EXD2: variants seen among roughly 807,000 people sequenced by gnomAD.
EXD2 encodes the protein exonuclease 3'-5' domain-containing protein 2.
EXD2 carries 40 observed loss-of-function variants against 62.5 expected under a neutral mutation model. The ratio of observed to expected loss-of-function variants is 0.64; its 90% CI spans 0.50 to 0.83. EXD2 has a LOEUF of 0.83. Among genes scored for constraint, EXD2 ranks in the 40% least tolerant of loss-of-function variants. The pLI, the probability that EXD2 is intolerant of heterozygous loss-of-function variation, is 0.00. For synonymous variants in EXD2, 239 were observed against 291.9 expected, an observed-to-expected ratio of 0.82 and a Z score of 1.85; for missense variants, 671 against 761.8, an observed-to-expected ratio of 0.88 and a Z score of 1.40.
intron 2 of EXD2, 79 bp from the exon 3 acceptor site, chr14:69,209,345 G>T: frequency 1.4e-6 from 1 of 697,318 alleles, no homozygotes; most frequent in Non-Finnish European, 2.2e-6. Context: ...TTATAAATGG[G>T]GCATTTTTTA....
At position 69,241,137 on chromosome 14, in the gene EXD2, T is replaced by C. The variant is rs1320986220; in HGVS notation, c.*37T>C. 1 of 1,583,970 alleles carries C rather than the reference T, an allele frequency of 6.3e-7. No homozygotes were observed. The highest frequency in any genetic ancestry group is 1.1e-5 in the South Asian group (1 of 89,484). ...CTCCCAGTTAGGACAAGTGGGAAGC[T>C]GGAGCCAAGGTTGAAGAGTCACCTC... On this transcript the variant is annotated 3_prime_UTR_variant, in exon 10 of 10. Transcript: ENST00000685843.
rs1439228039 is a variant in EXD2, at chr14:69,243,802, T to C, written c.*2702T>C. On this transcript the variant is annotated 3_prime_UTR_variant, in exon 10 of 10. Coordinates refer to ENST00000685843, the MANE Select transcript of EXD2 (RefSeq NM_001193360.2). ...GTCCCAGCATAGTCACTGGGCTTCA[T>C]AGGAGTAGCAGTGAGAGGACAGTGT... 1.3e-5 allele frequency: 2 copies of C among 152,158 alleles called. No homozygotes were observed. The highest frequency in any genetic ancestry group is 6.6e-5 in the Admixed American group (1 of 15,266). 9.4% of individuals were successfully genotyped at this position (152,158 alleles called of 1,614,324 possible). A position where few individuals can be genotyped will look rare whatever the true frequency, so the allele number is the denominator to read the frequency against.
intron 1 of EXD2, among the ~76,000 whole-genome samples, chr14:69,192,816 A>G (rs1011369799): frequency 2.0e-5 from 3 of 152,202 alleles, no homozygotes; most frequent in Non-Finnish European, 4.4e-5. Flanking sequence ...AGATCTACCT[A>G]TTCTTTCTAC....
chr14:69,228,796 C>T lies in EXD2; in HGVS notation c.334-20C>T. On this transcript the variant is annotated intron_variant, in intron 3 of 9. Coordinates refer to ENST00000685843, the MANE Select transcript of EXD2 (RefSeq NM_001193360.2). ...GCTGTGCTCAGGTGTGAACCACAAC[C>T]TTGTCTTCCTCTGTTGCAGGTAAAT... The T allele has an allele frequency of 1.3e-6, 2 of 1,599,906 alleles. No homozygotes were observed. The highest frequency in any genetic ancestry group is 2.3e-5 in the East Asian group (1 of 44,386).
At chr14:69,238,618 C>A (rs916275787) in intron 9 of EXD2, among the ~76,000 whole-genome samples, 1 of 141,974 alleles carries the variant, frequency 7.0e-6, no homozygotes, top group African/African-American at 2.6e-5. Flanking sequence ...TTTTTTTTTC[C>A]AAATAGTTTT....
chr14:69,235,772 G>A, intron 6 of EXD2: 1 of 449,878 alleles, frequency 2.2e-6, no homozygotes, highest in Non-Finnish European at 4.1e-6. Flanking sequence ...ATTCACAGCA[G>A]AGCTGTGTGT....
At chr14:69,200,533 C>T (rs1306506788) in intron 1 of EXD2, among the ~76,000 whole-genome samples, 1 of 150,778 alleles carries the variant, frequency 6.6e-6, no homozygotes, top group Non-Finnish European at 1.5e-5. Context: ...GAAACCCCAT[C>T]TCTACAAAAA....
At chr14:69,200,267 A>C (rs1471007829) in intron 1 of EXD2, among the ~76,000 whole-genome samples, 2 of 152,246 alleles carry the variant, frequency 1.3e-5, no homozygotes, top group Non-Finnish European at 2.9e-5. Context: ...AATAGGGCTT[A>C]TCAGGGGTTA....
At chr14:69,210,350 T>C (rs2042765491) in intron 3 of EXD2, 1 of 153,546 alleles carries the variant, frequency 6.5e-6, no homozygotes, top group African/African-American at 2.4e-5. Flanking sequence ...GAAACATCAT[T>C]TACTCTAAGC....
At chr14:69,240,263 T>G (rs1195784749) in intron 9 of EXD2, among the ~76,000 whole-genome samples, 1 of 152,064 alleles carries the variant, frequency 6.6e-6, no homozygotes, top group Non-Finnish European at 1.5e-5. Context: ...TTTTAAGGAC[T>G]CTGCTTAGTT....
At chr14:69,203,493 G>A (rs547499227) in intron 1 of EXD2, among the ~76,000 whole-genome samples, 1 of 152,300 alleles carries the variant, frequency 6.6e-6, no homozygotes, top group South Asian at 2.1e-4. Context: ...AAGACTATAA[G>A]GGGAGTCTCA....
At chr14:69,219,135 C>T (rs1488076304) in intron 3 of EXD2, among the ~76,000 whole-genome samples, 1 of 152,154 alleles carries the variant, frequency 6.6e-6, no homozygotes, top group Non-Finnish European at 1.5e-5. Context: ...TCTTCCTATC[C>T]ATGAGCATGG....
chr14:69,237,278 C>T (rs1243199498), intron 8 of EXD2, among the ~76,000 whole-genome samples: 1 of 152,176 alleles, frequency 6.6e-6, no homozygotes, highest in East Asian at 1.9e-4. Flanking sequence ...TGAGACTTTC[C>T]CTTCTGGGAG....
Position 69,222,532 on chromosome 14 carries a change from T to C in EXD2, c.334-6284T>C, listed in dbSNP as rs1594762835. Among the ~76,000 whole-genome samples, 3 of 152,194 alleles carry C rather than the reference T, an allele frequency of 2.0e-5. No homozygotes were observed. In the East Asian group the frequency reaches 5.8e-4, roughly 29 times the overall value. ...CACACTCACATTCTTCTATCTCCTA[T>C]CTTATTATCCTTTCTACTTTTTCCT... On this transcript the variant is annotated intron_variant, in intron 3 of 9. Coordinates refer to ENST00000685843, the MANE Select transcript of EXD2 (RefSeq NM_001193360.2).
intron 2 of EXD2, among the ~76,000 whole-genome samples, chr14:69,206,455 C>CTTTTTTTTTTTTT (rs56333403): frequency 8.5e-5 from 8 of 94,668 alleles, no homozygotes; most frequent in African/African-American, 1.4e-4. Context: ...CACCCACCCA[C>CTTTTTTTTTTTTT]TTTTTTTTTT....
At position 69,241,945 on chromosome 14, in the gene EXD2, T is replaced by G. The variant is rs2043993481; in HGVS notation, c.*845T>G. 1 of 398,844 alleles carries G rather than the reference T, an allele frequency of 2.5e-6. No individual in the cohort carries two copies. Among genetic ancestry groups the G allele is most frequent in the Non-Finnish European group, 4.4e-6 (1 of 226,080 alleles). The allele number at this position is 398,844 out of a possible 1,614,324, so 24.7% of individuals were successfully genotyped here. A position where few individuals can be genotyped will look rare whatever the true frequency, so the allele number is the denominator to read the frequency against. ...CCCCTTTCTGAGAGTAATGTTATCT[T>G]TTATCAGAATCAGTATCAGTTCCCC... On this transcript the variant is annotated 3_prime_UTR_variant, in exon 10 of 10. Transcript: ENST00000685843.
intron 1 of EXD2, among the ~76,000 whole-genome samples, chr14:69,192,516 G>A (rs2042066377): frequency 6.6e-6 from 1 of 151,892 alleles, no homozygotes; most frequent in Non-Finnish European, 1.5e-5. Context: ...ATCTTTCTTA[G>A]CTTGATGTTC....
At chr14:69,200,152 A>G (rs1478257627) in intron 1 of EXD2, among the ~76,000 whole-genome samples, 1 of 152,224 alleles carries the variant, frequency 6.6e-6, no homozygotes, top group African/African-American at 2.4e-5. Flanking sequence ...GTTGACCGAA[A>G]CATTGTTATA....
chr14:69,223,956 CT>C lies in EXD2; in HGVS notation c.334-4856del, dbSNP rs757558404. Among the ~76,000 whole-genome samples the C allele has an allele frequency of 1.1e-4, 16 of 152,202 alleles. No homozygotes were observed. The South Asian group carries it at 1.9e-3, about 18-fold the overall frequency. On this transcript the variant is annotated intron_variant, in intron 3 of 9. Transcript: ENST00000685843. Reference sequence around the variant, plus strand: ...CTGCTTCTGGTGAGGCCTCCAGGAGCTTTTACTCATGGTGGAAGGCAAAGCG... The same window carrying C: ...CTGCTTCTGGTGAGGCCTCCAGGAGCTTTACTCATGGTGGAAGGCAAAGCG...
Sources: allele counts gnomAD v4.1 joint callset (sites outside exome capture counted in the v4.1 genomes callset), GRCh38; gene constraint gnomAD v4.1.1; transcripts MANE v1.5; gene names NCBI Gene and HGNC (gene_info 2026-07-23, HGNC 2026-07-21).